SPAM1: variants seen among roughly 807,000 people sequenced by gnomAD.
SPAM1 encodes sperm adhesion molecule 1, also known as hyaluronidase PH-20.
In SPAM1, 22 loss-of-function variants were observed where a neutral mutation model predicts 29.6. The observed-to-expected ratio is 0.74, with a 90% confidence interval of 0.53 to 1.06. The LOEUF (loss-of-function observed/expected upper bound fraction) is 1.06. Among genes scored for constraint, SPAM1 ranks in the 50% least tolerant of loss-of-function variants. SPAM1 has a pLI of 0.00. For missense variants in SPAM1, 534 were observed against 604.0 expected (o/e 0.88, Z 1.21); for synonymous variants, 194 against 204.6 (o/e 0.95, Z 0.44).
downstream of SPAM1, among the ~76,000 whole-genome samples, chr7:123,962,191 T>C (rs553983982): frequency 2.8e-4 from 42 of 152,112 alleles, no homozygotes; most frequent in Non-Finnish European, 4.3e-4. Context: ...TGCTGTTTTT[T>C]GTCTTTTGAT....
intron 5 of SPAM1, among the ~76,000 whole-genome samples, chr7:123,968,691 T>A (rs1792460857): frequency 6.6e-6 from 1 of 151,956 alleles, no homozygotes; most frequent in East Asian, 1.9e-4. Flanking sequence ...AGATAGTATG[T>A]CTAATAGTTT....
intron 1 of SPAM1, among the ~76,000 whole-genome samples, chr7:123,926,436 C>G (rs570877086): frequency 6.6e-6 from 1 of 152,270 alleles, no homozygotes; most frequent in African/African-American, 2.4e-5. Context: ...GTCTCTGATA[C>G]TTTTTGGTTT....
rs1219818168 is a variant in SPAM1, at chr7:123,925,332, C to T, written c.-339C>T. 2 of 152,162 alleles carry T rather than the reference C, an allele frequency of 1.3e-5. No individual in the cohort carries two copies. Among genetic ancestry groups the T allele is most frequent in the Non-Finnish European group, 2.9e-5 (2 of 68,044 alleles). 9.4% of individuals were successfully genotyped at this position (152,162 alleles called of 1,614,324 possible). On this transcript the variant is annotated 5_prime_UTR_variant, in exon 1 of 5. Transcript: ENST00000682466. ...GCAGTGTAGGTGGTTAGCAGCACCT[C>T]ATAAGGTCCTTCCTAGCAAGGTAAC...
chr7:123,928,128 A>T (rs1037200508), intron 1 of SPAM1, among the ~76,000 whole-genome samples: 1 of 152,150 alleles, frequency 6.6e-6, no homozygotes, highest in Non-Finnish European at 1.5e-5. Context: ...GGTATAAAAA[A>T]ACCCTGCTAT....
At chr7:123,935,722 A>G (rs1035523465) in intron 1 of SPAM1, among the ~76,000 whole-genome samples, 1 of 152,186 alleles carries the variant, frequency 6.6e-6, no homozygotes, top group African/African-American at 2.4e-5. Flanking sequence ...TATTCAAGTG[A>G]TTTAATCCAT....
chr7:123,939,054 T>C (rs1319695708), intron 1 of SPAM1, among the ~76,000 whole-genome samples: 1 of 151,816 alleles, frequency 6.6e-6, no homozygotes, highest in East Asian at 1.9e-4. Flanking sequence ...ATGTTTTTAA[T>C]TAGCATCTCG....
intron 1 of SPAM1, among the ~76,000 whole-genome samples, chr7:123,939,642 A>G (rs1349415393): frequency 6.6e-6 from 1 of 152,196 alleles, no homozygotes; most frequent in Non-Finnish European, 1.5e-5. Flanking sequence ...AAGAGGAGAG[A>G]CAAAGATTTT....
chr7:123,951,988 A>T (rs1046010763), intron 2 of SPAM1, among the ~76,000 whole-genome samples: 1 of 152,136 alleles, frequency 6.6e-6, no homozygotes, highest in African/African-American at 2.4e-5. Flanking sequence ...CAATAAGGTT[A>T]GCTTACTCCT....
chr7:123,937,389 C>G (rs901587867), intron 1 of SPAM1, among the ~76,000 whole-genome samples: 9 of 152,054 alleles, frequency 5.9e-5, no homozygotes, highest in Non-Finnish European at 1.5e-5. Context: ...ATCACAAAGT[C>G]AGGAGATCGA....
chr7:123,939,758 C>T (rs1277435969), intron 1 of SPAM1, among the ~76,000 whole-genome samples: 1 of 152,138 alleles, frequency 6.6e-6, no homozygotes, highest in African/African-American at 2.4e-5. Flanking sequence ...TAGCAAGAAC[C>T]TGCAAGTCAG....
At chr7:123,946,953 TA>T (rs1808594320) in intron 1 of SPAM1, among the ~76,000 whole-genome samples, 1 of 152,146 alleles carries the variant, frequency 6.6e-6, no homozygotes, top group African/African-American at 2.4e-5. Context: ...TATTTAGGAA[TA>T]AAATGGGAAG....
chr7:123,968,343 C>T (rs2117081250), intron 5 of SPAM1, among the ~76,000 whole-genome samples: 1 of 152,156 alleles, frequency 6.6e-6, no homozygotes, highest in East Asian at 1.9e-4. Context: ...CCAGGTGTTG[C>T]CATGGCAATT....
rs1792188626 is a variant in SPAM1 at position 123,954,191 on chromosome 7, A to G, written c.621A>G (p.Gly207=). ...KDFLVETIKL[G]KLLRPNHLWG... is the part of the protein sequence containing the mutation. ...TCCTGGTAGAGACTATAAAATTGGGAAAATTACTTCGGCCAAATCACTTGT... is the reference window on the plus strand; with the variant it reads ...TCCTGGTAGAGACTATAAAATTGGGGAAATTACTTCGGCCAAATCACTTGT... Residue 207 remains glycine (G), a synonymous_variant, in exon 3 of 5, where the codon GGA becomes GGG. Coordinates refer to ENST00000682466, the MANE Select transcript of SPAM1 (RefSeq NM_153189.3). 1 of 1,613,582 alleles carries G rather than the reference A, an allele frequency of 6.2e-7. No homozygotes were observed.
chr7:123,945,259 T>G (rs1808542136), intron 1 of SPAM1, among the ~76,000 whole-genome samples: 1 of 152,152 alleles, frequency 6.6e-6, no homozygotes, highest in African/African-American at 2.4e-5. Context: ...AAGTTTGAAT[T>G]AGACAAAAAG....
chr7:123,969,776 C>CT (rs966884153), intron 5 of SPAM1, among the ~76,000 whole-genome samples: 3 of 145,454 alleles, frequency 2.1e-5, no homozygotes, highest in Non-Finnish European at 3.0e-5. Context: ...GCTATTTGGG[C>CT]TCTTTTTTTT....
intron 1 of SPAM1, among the ~76,000 whole-genome samples, chr7:123,940,695 T>A (rs1808402571): frequency 6.6e-6 from 1 of 152,100 alleles, no homozygotes; most frequent in African/African-American, 2.4e-5. Context: ...GGGGTCTTCC[T>A]ATGTTGCCCA....
chr7:123,943,121 A>G (rs951391480), intron 1 of SPAM1, among the ~76,000 whole-genome samples: 5 of 152,214 alleles, frequency 3.3e-5, no homozygotes, highest in Non-Finnish European at 5.9e-5. Flanking sequence ...AGGATCAGCA[A>G]CATTTTAAGC....
At chr7:123,969,350 A>G (rs1438169877) in intron 5 of SPAM1, among the ~76,000 whole-genome samples, 1 of 151,986 alleles carries the variant, frequency 6.6e-6, no homozygotes, top group Non-Finnish European at 1.5e-5. Flanking sequence ...TCTTAGCCAT[A>G]AATTCTGTAC....
intron 4 of SPAM1, among the ~76,000 whole-genome samples, chr7:123,955,590 A>G (rs1465701068): frequency 6.6e-6 from 1 of 152,032 alleles, no homozygotes; most frequent in Non-Finnish European, 1.5e-5. Flanking sequence ...TCATGGCCCA[A>G]GGGTCCTATC....
Sources: allele counts gnomAD v4.1 joint callset (sites outside exome capture counted in the v4.1 genomes callset), GRCh38; gene constraint gnomAD v4.1.1; transcripts MANE v1.5; gene names NCBI Gene and HGNC (gene_info 2026-07-23, HGNC 2026-07-21).